TCF7L1: variants seen among roughly 807,000 people sequenced by gnomAD.
TCF7L1 encodes transcription factor 7-like 1.
In TCF7L1, 18 loss-of-function variants were observed where a neutral mutation model predicts 63.7. The observed-to-expected ratio is 0.28, with a 90% CI of 0.20 to 0.42. The LOEUF is 0.42. Ranked by LOEUF, TCF7L1 falls within the 10% of genes least tolerant of loss-of-function variation. TCF7L1 has a pLI of 1.00. For synonymous variants in TCF7L1, 355 were observed against 340.9 expected, an observed-to-expected ratio of 1.04 and a Z score of -0.46; for missense variants, 654 against 779.3, an observed-to-expected ratio of 0.84 and a Z score of 1.91.
chr2:85,215,782 G>A (rs1318080007), intron 3 of TCF7L1, among the ~76,000 whole-genome samples: 1 of 147,100 alleles, frequency 6.8e-6, no homozygotes, highest in Non-Finnish European at 1.5e-5. Context: ...GGGGGTGAGG[G>A]GGGTGGTGAG....
chr2:85,141,396 G>A (rs761039147), intron 3 of TCF7L1, among the ~76,000 whole-genome samples: 1 of 152,150 alleles, frequency 6.6e-6, no homozygotes, highest in South Asian at 2.1e-4. Context: ...TAGCCAAGGC[G>A]CCAAGCTGCA....
Position 85,304,300 on chromosome 2 carries a change from C to A in TCF7L1, c.807C>A (p.His269Gln). Residue 269 changes from histidine (H) to glutamine (Q), a missense_variant, in exon 7 of 12, where the codon CAC becomes CAA. His to Gln is a conservative substitution (Grantham distance 24). Transcript: ENST00000282111. ...MYSLPPGGFR[H>Q]PYPALAMNAS... is the part of the protein sequence containing the mutation. Reference sequence around the variant, plus strand: ...CCCTTCCTCCCGGTGGCTTCCGGCACCCTTACCCCGCCCTCGCCATGAACG... The same window carrying A: ...CCCTTCCTCCCGGTGGCTTCCGGCAACCTTACCCCGCCCTCGCCATGAACG... The A allele has an allele frequency of 6.2e-7, 1 of 1,614,144 alleles. No individual in the cohort carries two copies. Among genetic ancestry groups the A allele is most frequent in the Non-Finnish European group, 8.5e-7 (1 of 1,180,016 alleles).
At chr2:85,290,016 C>T (rs1282225096) in intron 4 of TCF7L1, among the ~76,000 whole-genome samples, 58 of 132,192 alleles carry the variant, frequency 4.4e-4, no homozygotes, top group South Asian at 7.6e-4. Context: ...CTCACTATGT[C>T]GCCCAGGCTG....
rs200526758 is a variant in TCF7L1 at position 85,302,495 on chromosome 2, T to G, written c.537T>G (p.Val179=). 7.4e-5 allele frequency: 119 copies of G among 1,614,026 alleles called. No individual in the cohort carries two copies. The highest frequency in any genetic ancestry group is 9.7e-5 in the Non-Finnish European group (114 of 1,180,042). ...SPSPAHLSNK[V]PVVQHPHHMH... The stretch of plus-strand genomic sequence containing the variant: ...TTTGTCTCTTTCAGTCTAATAAAGT[T>G]CCTGTCGTTCAGCACCCGCATCACA... Residue 179 remains valine (V), a synonymous_variant, in exon 5 of 12, where the codon GTT becomes GTG. Transcript: ENST00000282111.
At chr2:85,247,628 A>G (rs973142238) in intron 3 of TCF7L1, among the ~76,000 whole-genome samples, 4 of 152,224 alleles carry the variant, frequency 2.6e-5, no homozygotes, top group African/African-American at 7.2e-5. Flanking sequence ...TTTTGCCAAA[A>G]TTGTGAGGGT....
At chr2:85,158,777 C>T (rs1678212850) in intron 3 of TCF7L1, among the ~76,000 whole-genome samples, 2 of 152,206 alleles carry the variant, frequency 1.3e-5, no homozygotes, top group South Asian at 4.1e-4. Flanking sequence ...CTCTGTCAGG[C>T]CTTGGTTGAA....
intron 11 of TCF7L1, among the ~76,000 whole-genome samples, chr2:85,308,230 C>T (rs1037063164): frequency 6.6e-6 from 1 of 152,118 alleles, no homozygotes; most frequent in African/African-American, 2.4e-5. Flanking sequence ...CAGAAAGATG[C>T]TCACACTGTG....
At chr2:85,276,639 T>C (rs748730116) in intron 3 of TCF7L1, among the ~76,000 whole-genome samples, 67 of 149,154 alleles carry the variant, frequency 4.5e-4, no homozygotes, top group Non-Finnish European at 7.6e-4. Flanking sequence ...ATCTCTCCCC[T>C]GCTCTAAAGG....
chr2:85,229,296 G>A lies in TCF7L1; in HGVS notation c.442-54199G>A, dbSNP rs576260961. On this transcript the variant is annotated intron_variant, in intron 3 of 11. Coordinates refer to ENST00000282111, the MANE Select transcript of TCF7L1 (RefSeq NM_031283.3). Reference sequence around the variant, plus strand: ...CGGGAGGCGGAGCTTGCAGTGAGCTGAGATCGTGCCAGTGCACTCCAGCTG... The same window carrying A: ...CGGGAGGCGGAGCTTGCAGTGAGCTAAGATCGTGCCAGTGCACTCCAGCTG... 9.2e-5 allele frequency among the ~76,000 whole-genome samples: 14 copies of A among 152,302 alleles called. No individual in the cohort carries two copies. The East Asian group carries it at 2.5e-3, about 27-fold the overall frequency.
intron 3 of TCF7L1, among the ~76,000 whole-genome samples, chr2:85,201,327 A>G (rs906479804): frequency 5.3e-5 from 8 of 152,240 alleles, no homozygotes; most frequent in African/African-American, 1.9e-4. Flanking sequence ...AAATGGTGCC[A>G]TGTACAGTCT....
chr2:85,202,902 A>T (rs370113222), intron 3 of TCF7L1, among the ~76,000 whole-genome samples: 1 of 151,978 alleles, frequency 6.6e-6, no homozygotes, highest in African/African-American at 2.4e-5. Context: ...GGTGCCATCT[A>T]GGCTCACTGC....
chr2:85,247,394 G>A (rs529889349), intron 3 of TCF7L1, among the ~76,000 whole-genome samples: 12 of 152,316 alleles, frequency 7.9e-5, no homozygotes, highest in African/African-American at 2.2e-4. Flanking sequence ...CAACAGCTAA[G>A]TTAGACCCTA....
At chr2:85,156,353 G>A (rs1005629967) in intron 3 of TCF7L1, among the ~76,000 whole-genome samples, 12 of 152,148 alleles carry the variant, frequency 7.9e-5, no homozygotes, top group Admixed American at 5.2e-4. Flanking sequence ...AATGACCACC[G>A]CAGCCTGCTG....
At chr2:85,224,616 C>T (rs892602974) in intron 3 of TCF7L1, among the ~76,000 whole-genome samples, 5 of 152,166 alleles carry the variant, frequency 3.3e-5, no homozygotes, top group Non-Finnish European at 1.5e-5. Context: ...CCTTTGCCCA[C>T]TTTTTGATGG....
chr2:85,306,308 G>A lies in TCF7L1; in HGVS notation c.1092G>A (p.Val364=). The A allele has an allele frequency of 2.5e-6, 4 of 1,614,184 alleles. No homozygotes were observed. The highest frequency in any genetic ancestry group is 1.6e-4 in the Middle Eastern group (1 of 6,062). Residue 364 remains valine (V), a synonymous_variant, in exon 9 of 12, where the codon GTG becomes GTA. Coordinates refer to ENST00000282111, the MANE Select transcript of TCF7L1 (RefSeq NM_031283.3). This position sits in a 1 kb window ranked among gnomAD's most constrained non-coding sequence, Gnocchi z 4.3. ...MLYMKEMRAK[V]VAECTLKESA... ...ATATGAAGGAGATGAGGGCCAAGGT[G>A]GTGGCTGAGTGCACCCTGAAGGAAA...
At position 85,133,654 on chromosome 2, in the gene TCF7L1, G is replaced by C. The variant is rs1289589709; in HGVS notation, c.-31G>C. 4.4e-6 allele frequency: 4 copies of C among 902,394 alleles called. No homozygotes were observed. The East Asian group carries it at 3.6e-4, about 81-fold the overall frequency. 55.9% of individuals were successfully genotyped at this position (902,394 alleles called of 1,614,324 possible). A position where few individuals can be genotyped will look rare whatever the true frequency, so the allele number is the denominator to read the frequency against. On this transcript the variant is annotated 5_prime_UTR_variant, in exon 1 of 12. Coordinates refer to ENST00000282111, the MANE Select transcript of TCF7L1 (RefSeq NM_031283.3). This position sits in a 1 kb window ranked among gnomAD's most constrained non-coding sequence, Gnocchi z 4.4. ...CAGGGCGCGGGCGGCTAGGGGCTCC[G>C]AGAGCGGCGGCCCCGGCCCGCGGCC...
At chr2:85,161,421 G>A (rs566862968) in intron 3 of TCF7L1, among the ~76,000 whole-genome samples, 7 of 152,242 alleles carry the variant, frequency 4.6e-5, no homozygotes, top group Admixed American at 3.3e-4. Flanking sequence ...GAGAAGCTGG[G>A]CTCTGAGCTG....
At chr2:85,190,368 G>A (rs1386374011) in intron 3 of TCF7L1, among the ~76,000 whole-genome samples, 1 of 152,190 alleles carries the variant, frequency 6.6e-6, no homozygotes, top group Non-Finnish European at 1.5e-5. Context: ...ACAGAGTGCT[G>A]ATGGCCAGGG....
At chr2:85,151,594 A>G (rs1574080376) in intron 3 of TCF7L1, among the ~76,000 whole-genome samples, 1 of 152,224 alleles carries the variant, frequency 6.6e-6, no homozygotes, top group East Asian at 1.9e-4. Context: ...TCTATCAGTT[A>G]TAATATTTTT....
Sources: allele counts gnomAD v4.1 joint callset (sites outside exome capture counted in the v4.1 genomes callset), GRCh38; gene constraint gnomAD v4.1.1; non-coding constraint Gnocchi (gnomAD v3.1); transcripts MANE v1.5; gene names NCBI Gene and HGNC (gene_info 2026-07-23, HGNC 2026-07-21).